FGD4: variants seen among roughly 807,000 people sequenced by gnomAD.
FGD4 encodes the protein FYVE, RhoGEF and PH domain containing 4.
A neutral mutation model predicts 102.0 loss-of-function variants in FGD4; 42 were observed. That is an observed-to-expected ratio of 0.41 (90% CI 0.32 to 0.53). FGD4 has a LOEUF of 0.53. Ranked by LOEUF, FGD4 falls within the 20% of genes least tolerant of loss-of-function variation. The pLI is 0.21. For synonymous variants in FGD4, 380 were observed against 375.7 expected, an observed-to-expected ratio of 1.01 and a Z score of -0.13; for missense variants, 902 against 1,078.2, an observed-to-expected ratio of 0.84 and a Z score of 2.29.
intron 1 of FGD4, among the ~76,000 whole-genome samples, chr12:32,505,982 A>G (rs1334846598): frequency 6.6e-6 from 1 of 152,222 alleles, no homozygotes; most frequent in Non-Finnish European, 1.5e-5. Flanking sequence ...TAAGGTCCCA[A>G]TCTAAACAGG....
At chr12:32,413,726 C>T (rs1004752108) in intron 1 of FGD4, among the ~76,000 whole-genome samples, 1 of 152,176 alleles carries the variant, frequency 6.6e-6, no homozygotes, top group Admixed American at 6.5e-5. Flanking sequence ...CCACCTTGGG[C>T]GTGCTTTCTC....
intron 1 of FGD4, among the ~76,000 whole-genome samples, chr12:32,508,603 CTTG>C (rs1053130064): frequency 8.5e-5 from 13 of 152,338 alleles, no homozygotes; most frequent in Admixed American, 7.8e-4. Flanking sequence ...CAACTCTCTT[CTTG>C]TTAAGTCCAA....
At chr12:32,594,529 T>C (rs749329492) in intron 4 of FGD4, among the ~76,000 whole-genome samples, 2 of 152,124 alleles carry the variant, frequency 1.3e-5, no homozygotes, top group Non-Finnish European at 2.9e-5. Context: ...AAATGTAATG[T>C]GCTTAAATCA....
rs188250329 is a variant in FGD4, at chr12:32,634,208, T to C, written c.2313+519T>C. 1.8e-3 allele frequency among the ~76,000 whole-genome samples: 270 copies of C among 152,310 alleles called. 2 individuals carry two copies. Among genetic ancestry groups the C allele is most frequent in the African/African-American group, 6.3e-3 (260 of 41,552 alleles). ...AATACATTGATTTCGTGGCAGTAGC[T>C]AGAGCCAAATATTTCAGTATTAATT... On this transcript the variant is annotated intron_variant, in intron 15 of 16. Transcript: ENST00000534526.
intron 15 of FGD4, among the ~76,000 whole-genome samples, chr12:32,635,218 G>T (rs2137039770): frequency 6.6e-6 from 1 of 152,216 alleles, no homozygotes; most frequent in East Asian, 1.9e-4. Context: ...GCTTTCTCAG[G>T]CAGTAAGGAT....
intron 1 of FGD4, among the ~76,000 whole-genome samples, chr12:32,497,815 C>T (rs1054083801): frequency 1.3e-5 from 2 of 152,270 alleles, no homozygotes; most frequent in Non-Finnish European, 2.9e-5. Context: ...TCATGCCACA[C>T]GTAAGGGTAG....
At chr12:32,552,944 ATTT>A (rs71068326) in intron 1 of FGD4, among the ~76,000 whole-genome samples, 22 of 123,868 alleles carry the variant, frequency 1.8e-4, no homozygotes, top group South Asian at 5.5e-4. Context: ...CGCCTGGCTA[ATTT>A]TTTTTTTTTT....
At chr12:32,630,269 T>C (rs1950421441) in intron 14 of FGD4, among the ~76,000 whole-genome samples, 2 of 152,226 alleles carry the variant, frequency 1.3e-5, no homozygotes, top group African/African-American at 2.4e-5. Flanking sequence ...AAAATTCTTC[T>C]CAGAGTATCT....
rs773569669 is a variant in FGD4 at position 32,582,365 on chromosome 12, C to A, written c.909C>A (p.Pro303=). ...CTCCAGGCATAGGCCCAGTGCTCCC[C>A]CTAGAAGAAAGAGGGGCAGAAACAG... ...YRTPGIGPVL[P]LEERGAETET... is the part of the protein sequence containing the mutation. Residue 303 remains proline, a synonymous_variant, in exon 4 of 17, where the codon CCC becomes CCA. Coordinates refer to ENST00000534526, the MANE Select transcript of FGD4 (RefSeq NM_001370298.3). 1 of 1,614,062 alleles carries A rather than the reference C, an allele frequency of 6.2e-7. No individual in the cohort carries two copies.
At chr12:32,400,041 G>A (rs925227707) in intron 1 of FGD4, 82 bp downstream of exon 1, 3 of 1,395,296 alleles carry the variant, frequency 2.2e-6, no homozygotes, top group Non-Finnish European at 2.8e-6. Context: ...CTGCAGGTGC[G>A]CCCTCTCGTC....
intron 1 of FGD4, among the ~76,000 whole-genome samples, chr12:32,406,306 C>A (rs2136385506): frequency 6.6e-6 from 1 of 151,998 alleles, no homozygotes; most frequent in South Asian, 2.1e-4. Context: ...GTAATTCCAG[C>A]ACTTTGGGAG....
At chr12:32,575,474 G>T (rs1242202389) in intron 2 of FGD4, among the ~76,000 whole-genome samples, 1 of 152,112 alleles carries the variant, frequency 6.6e-6, no homozygotes, top group African/African-American at 2.4e-5. Context: ...TATTCACTAT[G>T]GCAAGAATTG....
At chr12:32,451,377 G>T (rs1173325535) in intron 1 of FGD4, among the ~76,000 whole-genome samples, 1 of 152,126 alleles carries the variant, frequency 6.6e-6, no homozygotes, top group Non-Finnish European at 1.5e-5. Context: ...ATGCAAAGAT[G>T]TTAGACCCTG....
intron 1 of FGD4, among the ~76,000 whole-genome samples, chr12:32,531,150 C>T (rs1941777748): frequency 6.6e-6 from 1 of 151,608 alleles, no homozygotes; most frequent in Non-Finnish European, 1.5e-5. Flanking sequence ...CAGGGTTTCA[C>T]CACGTTGGCC....
chr12:32,530,650 T>G (rs911232000), intron 1 of FGD4, among the ~76,000 whole-genome samples: 1 of 152,200 alleles, frequency 6.6e-6, no homozygotes, highest in African/African-American at 2.4e-5. Context: ...TTCAGTGGCA[T>G]GGATTTTAGG....
chr12:32,442,890 G>A (rs754555624), intron 1 of FGD4, among the ~76,000 whole-genome samples: 80 of 152,146 alleles, frequency 5.3e-4, no homozygotes, highest in Non-Finnish European at 1.0e-3. Flanking sequence ...TCTAACAGGT[G>A]TGAGATGATA....
At chr12:32,470,858 G>A (rs1225293419) in intron 1 of FGD4, among the ~76,000 whole-genome samples, 4 of 152,164 alleles carry the variant, frequency 2.6e-5, no homozygotes, top group Non-Finnish European at 1.5e-5. Flanking sequence ...ACAGGGCTTT[G>A]CCTTAGATTG....
At chr12:32,471,000 A>ATGAAATATTG (rs1943402271) in intron 1 of FGD4, among the ~76,000 whole-genome samples, 1 of 152,170 alleles carries the variant, frequency 6.6e-6, no homozygotes, top group Non-Finnish European at 1.5e-5. Flanking sequence ...AATATTTGTT[A>ATGAAATATTG]TTAATGGCTT....
intron 7 of FGD4, among the ~76,000 whole-genome samples, chr12:32,602,824 G>C (rs61926192): frequency 0.011 from 1,712 of 152,188 alleles, 19 homozygotes; most frequent in South Asian, 0.057. Context: ...TGATACAGTT[G>C]ATATTGAAAA....
Sources: allele counts gnomAD v4.1 joint callset (sites outside exome capture counted in the v4.1 genomes callset), GRCh38; gene constraint gnomAD v4.1.1; transcripts MANE v1.5; gene names NCBI Gene and HGNC (gene_info 2026-07-23, HGNC 2026-07-21).